The following FXR2 variants were observed in gnomAD, a reference collection of about 807,000 sequenced individuals.
FXR2 encodes the protein FMR1 autosomal homolog 2.
A neutral mutation model predicts 87.3 loss-of-function variants in FXR2; 9 were observed. The observed-to-expected ratio is 0.10, with a 90% CI of 0.06 to 0.18. FXR2 has a LOEUF of 0.18. FXR2 is among the 10% of genes least tolerant of loss of function. FXR2 has a pLI of 1.00. For missense variants in FXR2, 661 were observed against 893.6 expected, an observed-to-expected ratio of 0.74 and a Z score of 3.32; for synonymous variants, 331 against 328.3, an observed-to-expected ratio of 1.01 and a Z score of -0.09.
At chr17:7,610,071 T>C (rs1368954822) in intron 1 of FXR2, among the ~76,000 whole-genome samples, 1 of 150,564 alleles carries the variant, frequency 6.6e-6, no homozygotes, top group South Asian at 2.1e-4. Context: ...CACACATATA[T>C]ATAAATTAGC....
Position 7,592,803 on chromosome 17 carries a change from TG to T in FXR2, c.1619del (p.Pro540GlnfsTer32), listed in dbSNP as rs753982098. The T allele has an allele frequency of 1.9e-6, 3 of 1,612,106 alleles. No homozygotes were observed. The highest frequency in any genetic ancestry group is 2.2e-5 in the East Asian group (1 of 44,832). Reference sequence around the variant, plus strand: ...GGGAGCGGCGGCGCCTGGCACTTGCTGGGGGGGGTTCCCCAGGTTCTGAATC... The same window carrying T: ...GGGAGCGGCGGCGCCTGGCACTTGCTGGGGGGGTTCCCCAGGTTCTGAATC... ...PVDSEPGEPP[P>X]ASARRRRSRR... is the part of the protein sequence containing the mutation. On this transcript the variant is annotated frameshift_variant, in exon 14 of 17. Transcript: ENST00000250113. LOFTEE classifies it high-confidence loss of function. This position sits in a 1 kb window ranked among gnomAD's most constrained non-coding sequence, Gnocchi z 4.8.
At chr17:7,606,896 C>T (rs2071807498) in intron 1 of FXR2, among the ~76,000 whole-genome samples, 1 of 152,182 alleles carries the variant, frequency 6.6e-6, no homozygotes, top group South Asian at 2.1e-4. Context: ...CATGCATTCA[C>T]CCCTATGCTC....
At position 7,593,243 on chromosome 17, in the gene FXR2, C is replaced by T; in HGVS notation, c.1331-62G>A. ...TCCCACCTCAGGATCCATCACATCCCCCAAACTGGAAGAATTCTCCTTCTC... is the reference window on the plus strand; with the variant it reads ...TCCCACCTCAGGATCCATCACATCCTCCAAACTGGAAGAATTCTCCTTCTC... On this transcript the variant is annotated intron_variant, in intron 12 of 16. Transcript: ENST00000250113. The surrounding 1 kb of genome is among the most constrained non-coding windows in gnomAD (Gnocchi z 6.1). 3 of 1,345,056 alleles carry T rather than the reference C, an allele frequency of 2.2e-6. No individual in the cohort carries two copies. In the South Asian group the frequency reaches 4.4e-5, roughly 20 times the overall value. The allele number at this position is 1,345,056 out of a possible 1,614,324, so 83.3% of individuals were successfully genotyped here. A position where few individuals can be genotyped will look rare whatever the true frequency, so the allele number is the denominator to read the frequency against.
Position 7,603,891 on chromosome 17 carries a change from T to C in FXR2, c.315A>G (p.Glu105=), listed in dbSNP as rs1208642856. The change falls in exon 5 of 17, where the codon GAA becomes GAG. Residue 105 remains glutamate, a synonymous_variant. Transcript: ENST00000250113. The part of the protein sequence containing the change: ...RMMKGDFYVI[E]YAACDATYNE... ...TGTAGGTGGCATCACAGGCAGCATATTCAATGACATAGAACTGGCACATGG... is the reference window on the plus strand; with the variant it reads ...TGTAGGTGGCATCACAGGCAGCATACTCAATGACATAGAACTGGCACATGG... 1.2e-6 allele frequency: 2 copies of C among 1,613,970 alleles called. No individual in the cohort carries two copies. Among genetic ancestry groups the C allele is most frequent in the East Asian group, 2.2e-5 (1 of 44,888 alleles).
chr17:7,600,996 A>G (rs2150943711), intron 7 of FXR2, among the ~76,000 whole-genome samples: 1 of 150,788 alleles, frequency 6.6e-6, no homozygotes, highest in Middle Eastern at 3.5e-3. Flanking sequence ...CTTGGGCAAC[A>G]TGGCAAAACC....
chr17:7,599,090 T>C (rs1470445813), intron 7 of FXR2, among the ~76,000 whole-genome samples: 1 of 151,458 alleles, frequency 6.6e-6, no homozygotes, highest in Non-Finnish European at 1.5e-5. Context: ...GGAGCGGAGA[T>C]TGTGCCATTG....
intron 7 of FXR2, 79 bp from the exon 8 acceptor site, chr17:7,596,073 A>C: frequency 9.4e-7 from 1 of 1,065,598 alleles, no homozygotes; most frequent in Non-Finnish European, 1.4e-6. Context: ...CATAACTTAA[A>C]TAAGGAAAAC....
intron 1 of FXR2, among the ~76,000 whole-genome samples, chr17:7,608,462 T>C (rs972624582): frequency 8.7e-5 from 13 of 148,992 alleles, no homozygotes; most frequent in African/African-American, 3.2e-4. Context: ...AATAATAATA[T>C]ATAAATTAGC....
At chr17:7,603,079 G>A (rs1219625270) in intron 5 of FXR2, 77 bp from the exon 6 acceptor site, 2 of 725,722 alleles carry the variant, frequency 2.8e-6, no homozygotes, top group Non-Finnish European at 4.9e-6. Context: ...GGACATGGTG[G>A]TTTGCACCTG....
intron 3 of FXR2, among the ~76,000 whole-genome samples, chr17:7,605,408 C>T (rs1201977408): frequency 6.6e-6 from 1 of 152,118 alleles, no homozygotes; most frequent in Non-Finnish European, 1.5e-5. Flanking sequence ...TCAGAGGGCA[C>T]TGGATTTTAG....
At chr17:7,614,410 G>A (rs1247867074) in intron 1 of FXR2, 42 bp downstream of exon 1, 9 of 1,403,118 alleles carry the variant, frequency 6.4e-6, no homozygotes, top group Non-Finnish European at 8.7e-6. Context: ...GGCCAGGGGA[G>A]GGGGCTAAGG....
Position 7,602,974 on chromosome 17 carries a change from A to G in FXR2, c.478T>C (p.Phe160Leu). ...ACSNENVHKE[F>L]KKALGANCIF... The stretch of plus-strand genomic sequence containing the variant: ...CAGTTGGCTCCCAGGGCTTTCTTGA[A>G]CTCTTTATGGACGTTTTCATTGGAG... Residue 160 changes from phenylalanine (F) to leucine (L), a missense_variant, in exon 6 of 17, where the codon TTC becomes CTC. Physicochemically the swap from Phe to Leu is conservative, Grantham distance 22. Transcript: ENST00000250113. 1 of 1,589,480 alleles carries G rather than the reference A, an allele frequency of 6.3e-7. No homozygotes were observed. The highest frequency in any genetic ancestry group is 8.6e-7 in the Non-Finnish European group (1 of 1,159,308).
At chr17:7,611,479 C>T (rs2071864201) in intron 1 of FXR2, among the ~76,000 whole-genome samples, 1 of 152,022 alleles carries the variant, frequency 6.6e-6, no homozygotes, top group South Asian at 2.1e-4. Context: ...ACCAGCCTGG[C>T]CAACATAGCG....
rs1169848289 is a variant in FXR2 at position 7,595,116 on chromosome 17, TAA to T, written c.832-361_832-360del. Among the ~76,000 whole-genome samples, 1 of 127,002 alleles carries T rather than the reference TAA, an allele frequency of 7.9e-6. No homozygotes were observed. Among genetic ancestry groups the T allele is most frequent in the African/African-American group, 2.9e-5 (1 of 34,170 alleles). The allele number at this position is 127,002 out of a possible 152,430, so 83.3% of individuals were successfully genotyped here. Reference sequence around the variant, plus strand: ...ACAGAGTGAGTTAGACTCCATCTCATAAAAAAAAAAAATTAAACAAATAAATA... The same window carrying T: ...ACAGAGTGAGTTAGACTCCATCTCATAAAAAAAAAATTAAACAAATAAATA... On this transcript the variant is annotated intron_variant, in intron 8 of 16. Transcript: ENST00000250113. The surrounding 1 kb of genome is among the most constrained non-coding windows in gnomAD (Gnocchi z 4.7).
intron 1 of FXR2, among the ~76,000 whole-genome samples, chr17:7,611,543 C>A (rs573614413): frequency 6.6e-5 from 10 of 152,126 alleles, no homozygotes; most frequent in Non-Finnish European, 1.5e-4. Context: ...TGTTGCACAC[C>A]TGTAATCCCA....
At chr17:7,613,094 T>C (rs1319609160) in intron 1 of FXR2, among the ~76,000 whole-genome samples, 1 of 149,490 alleles carries the variant, frequency 6.7e-6, no homozygotes, top group Non-Finnish European at 1.5e-5. Flanking sequence ...CCCTCTGCAG[T>C]TATAGAAAAA....
chr17:7,606,423 CCTAT>C (rs1187823456), intron 1 of FXR2, among the ~76,000 whole-genome samples: 1 of 151,996 alleles, frequency 6.6e-6, no homozygotes, highest in East Asian at 1.9e-4. Context: ...CAGGGGCCTC[CCTAT>C]CTGTCTGCCT....
intron 6 of FXR2, among the ~76,000 whole-genome samples, chr17:7,602,305 T>C (rs940054487): frequency 2.7e-5 from 4 of 149,502 alleles, no homozygotes; most frequent in South Asian, 2.1e-4. Flanking sequence ...GTGGCTCACG[T>C]CTGTAATCCC....
intron 7 of FXR2, among the ~76,000 whole-genome samples, chr17:7,598,130 C>G (rs2058802561): frequency 6.6e-6 from 1 of 152,160 alleles, no homozygotes. Flanking sequence ...CCCTTTCCAT[C>G]TGTCATTGAA....
Sources: gnomAD v4.1 joint callset for allele counts (sites outside exome capture counted in the v4.1 genomes callset) on GRCh38, gnomAD v4.1.1 for gene constraint, Gnocchi (gnomAD v3.1) non-coding constraint, MANE v1.5 for transcripts, NCBI Gene and HGNC (gene_info 2026-07-23, HGNC 2026-07-21) for gene names.